LRRC4C: variants seen among roughly 807,000 people sequenced by gnomAD.
The protein encoded by LRRC4C is leucine rich repeat containing 4C.
A neutral mutation model predicts 33.6 loss-of-function variants in LRRC4C; 5 were observed. The observed-to-expected ratio is 0.15, with a 90% CI of 0.08 to 0.31. The LOEUF (loss-of-function observed/expected upper bound fraction) is 0.31. LRRC4C is among the 10% of genes least tolerant of loss of function. The pLI is 1.00. For synonymous variants in LRRC4C, 329 were observed against 302.0 expected, an observed-to-expected ratio of 1.09 and a Z score of -0.93; for missense variants, 560 against 796.7, an observed-to-expected ratio of 0.70 and a Z score of 3.58.
chr11:41,022,294 A>G (rs1856038898), intron 1 of LRRC4C, among the ~76,000 whole-genome samples: 1 of 93,454 alleles, frequency 1.1e-5, no homozygotes, highest in Non-Finnish European at 2.4e-5. Context: ...TGGGAGTCTT[A>G]GTTTTTATCT....
intron 1 of LRRC4C, among the ~76,000 whole-genome samples, chr11:41,133,066 C>G (rs1044810851): frequency 6.6e-6 from 1 of 152,066 alleles, no homozygotes; most frequent in Non-Finnish European, 1.5e-5. Context: ...GCCTGAAATA[C>G]TTTTTAGATA....
intron 1 of LRRC4C, among the ~76,000 whole-genome samples, chr11:40,995,336 T>G (rs1406423577): frequency 6.6e-6 from 1 of 152,046 alleles, no homozygotes; most frequent in Non-Finnish European, 1.5e-5. Flanking sequence ...GCTAGGGTAC[T>G]CCTGCTGGGA....
intron 5 of LRRC4C, among the ~76,000 whole-genome samples, chr11:40,144,982 A>T (rs944965819): frequency 1.3e-5 from 2 of 152,178 alleles, no homozygotes; most frequent in Non-Finnish European, 1.5e-5. Flanking sequence ...GGCAACTATC[A>T]ACCAGTGTGC....
At chr11:41,383,406 TA>T (rs1369616205) in intron 1 of LRRC4C, among the ~76,000 whole-genome samples, 2 of 152,016 alleles carry the variant, frequency 1.3e-5, no homozygotes, top group Non-Finnish European at 2.9e-5. Context: ...TATCACAAAC[TA>T]AAAAACTTGG....
At chr11:40,448,134 A>G (rs1211718058) in intron 3 of LRRC4C, among the ~76,000 whole-genome samples, 1 of 152,146 alleles carries the variant, frequency 6.6e-6, no homozygotes, top group Non-Finnish European at 1.5e-5. Context: ...TGCTCCTGCT[A>G]AGCTATTACC....
In LRRC4C at chr11:40,177,242, C is replaced by T. The variant is rs146777311; in HGVS notation, c.-95-36389G>A. On this transcript the variant is annotated intron_variant, in intron 5 of 6. Transcript: ENST00000528697. ...TGCTGGGATTACAGGCATGAGCCAC[C>T]GTGCCCGGGCTGCCAGAGTCTTTTT... is the stretch of plus-strand genomic sequence containing the variant. 2.3e-4 allele frequency among the ~76,000 whole-genome samples: 35 copies of T among 151,362 alleles called. No individual in the cohort carries two copies. The East Asian group carries it at 6.5e-3, about 28-fold the overall frequency.
chr11:41,143,649 A>T (rs1943608655), intron 1 of LRRC4C, among the ~76,000 whole-genome samples: 1 of 152,178 alleles, frequency 6.6e-6, no homozygotes, highest in African/African-American at 2.4e-5. Context: ...ATGGTTCTCG[A>T]TCCTAGCTAC....
At chr11:40,863,450 C>T (rs929783509) in intron 2 of LRRC4C, among the ~76,000 whole-genome samples, 10 of 152,312 alleles carry the variant, frequency 6.6e-5, no homozygotes, top group African/African-American at 2.4e-4. Flanking sequence ...GAACCTGTCT[C>T]ATGATATCAT....
chr11:41,263,713 C>T (rs978280405), intron 1 of LRRC4C, among the ~76,000 whole-genome samples: 2 of 152,058 alleles, frequency 1.3e-5, no homozygotes, highest in African/African-American at 2.4e-5. Flanking sequence ...ATTCGGGTAA[C>T]AGTCAACTTA....
chr11:40,216,205 T>C (rs976764246), intron 5 of LRRC4C, among the ~76,000 whole-genome samples: 19 of 152,224 alleles, frequency 1.2e-4, no homozygotes, highest in African/African-American at 4.6e-4. Context: ...TGGGGTAAAG[T>C]TTTTATGTAA....
chr11:41,247,351 T>C (rs1364202224), intron 1 of LRRC4C, among the ~76,000 whole-genome samples: 1 of 152,236 alleles, frequency 6.6e-6, no homozygotes, highest in African/African-American at 2.4e-5. Context: ...GTTTTCAAAA[T>C]TAGAGTAATT....
intron 3 of LRRC4C, among the ~76,000 whole-genome samples, chr11:40,534,052 A>T (rs1049165613): frequency 1.3e-5 from 2 of 152,152 alleles, no homozygotes; most frequent in African/African-American, 4.8e-5. Flanking sequence ...CTTGAATTAG[A>T]TGCAAATCAT....
intron 1 of LRRC4C, among the ~76,000 whole-genome samples, chr11:41,391,828 T>G (rs1953609079): frequency 6.6e-6 from 1 of 151,934 alleles, no homozygotes; most frequent in Non-Finnish European, 1.5e-5. Context: ...AATGTGTCTA[T>G]GAATAGGTCT....
chr11:40,785,905 G>GA (rs57031986), intron 2 of LRRC4C, among the ~76,000 whole-genome samples: 52 of 149,116 alleles, frequency 3.5e-4, no homozygotes, highest in Admixed American at 2.3e-3. Context: ...GATATTGTTG[G>GA]AAAAAAAAAC....
At chr11:41,209,169 C>T (rs1221333226) in intron 1 of LRRC4C, among the ~76,000 whole-genome samples, 1 of 151,154 alleles carries the variant, frequency 6.6e-6, no homozygotes, top group African/African-American at 2.4e-5. Context: ...CCTATATAAC[C>T]AACCTGCACA....
At chr11:40,140,499 C>T (rs1468042208) in intron 6 of LRRC4C, among the ~76,000 whole-genome samples, 1 of 152,028 alleles carries the variant, frequency 6.6e-6, no homozygotes, top group African/African-American at 2.4e-5. Context: ...ATAAGTGAAT[C>T]CCAAGGTAAG....
At position 41,237,066 on chromosome 11, in the gene LRRC4C, T is replaced by C. The variant is rs145237252; in HGVS notation, c.-496+222365A>G. On this transcript the variant is annotated intron_variant, in intron 1 of 6. Coordinates refer to ENST00000528697, the MANE Select transcript of LRRC4C (RefSeq NM_001258419.2). ...GCTCATAAAGAGGACCACCTATGTA[T>C]ATGCCAGATGAACCTAAAATGTTTC... Among the ~76,000 whole-genome samples, 766 of 152,346 alleles carry C rather than the reference T, an allele frequency of 5.0e-3. 7 individuals are homozygous for C. The highest frequency in any genetic ancestry group is 6.1e-3 in the Non-Finnish European group (418 of 68,022).
chr11:41,286,068 A>T (rs957647300), intron 1 of LRRC4C, among the ~76,000 whole-genome samples: 3 of 151,970 alleles, frequency 2.0e-5, no homozygotes, highest in African/African-American at 7.2e-5. Context: ...TGACCTCGTG[A>T]TTCACCCACC....
chr11:40,247,572 GA>G (rs1339761703), intron 4 of LRRC4C, among the ~76,000 whole-genome samples: 1 of 152,126 alleles, frequency 6.6e-6, no homozygotes, highest in Non-Finnish European at 1.5e-5. Flanking sequence ...ATCACACAGA[GA>G]AAGTTTTTGG....
Sources: allele counts gnomAD v4.1 joint callset (sites outside exome capture counted in the v4.1 genomes callset), GRCh38; gene constraint gnomAD v4.1.1; transcripts MANE v1.5; gene names NCBI Gene and HGNC (gene_info 2026-07-23, HGNC 2026-07-21).